Variants in DMD observed in about 807,000 individuals in gnomAD.
The protein encoded by DMD is dystrophin.
DMD carries 63 observed loss-of-function variants against 330.1 expected under a neutral mutation model. The observed-to-expected ratio is 0.19, with a 90% CI of 0.16 to 0.24. DMD has a LOEUF of 0.24. Among genes scored for constraint, DMD ranks in the 10% least tolerant of loss-of-function variants. The pLI is 1.00. For missense variants in DMD, 3,344 were observed against 2,684.1 expected (o/e 1.25, Z -5.43); for synonymous variants, 1,223 against 959.8 (o/e 1.27, Z -5.07).
intron 2 of DMD, among the ~76,000 whole-genome samples, chrX:32,952,747 T>A (rs1294021401): frequency 9.0e-6 from 1 of 111,534 alleles, no homozygotes; most frequent in Non-Finnish European, 1.9e-5. Context: ...ATGCTTTTTA[T>A]TTCTTTACCT....
chrX:31,340,687 T>C (rs1053604542), intron 61 of DMD, among the ~76,000 whole-genome samples: 5 of 112,180 alleles, frequency 4.5e-5, no homozygotes, highest in African/African-American at 1.6e-4. Flanking sequence ...ACAGAAAAGG[T>C]CACATTATTT....
At chrX:32,418,028 C>A (rs775332045) in intron 29 of DMD, among the ~76,000 whole-genome samples, 8 of 110,212 alleles carry the variant, frequency 7.3e-5, no homozygotes, top group African/African-American at 2.6e-4. Flanking sequence ...CAGAGAAAGT[C>A]TTTTAGACCA....
intron 2 of DMD, among the ~76,000 whole-genome samples, chrX:32,905,438 T>C (rs1304192616): frequency 2.7e-5 from 3 of 111,796 alleles, no homozygotes; most frequent in Non-Finnish European, 5.6e-5. Flanking sequence ...AATAAATGTT[T>C]ACTATATATA....
At chrX:32,228,232 G>T (rs1476407170) in intron 43 of DMD, among the ~76,000 whole-genome samples, 1 of 111,044 alleles carries the variant, frequency 9.0e-6, no homozygotes, top group East Asian at 2.8e-4. Context: ...TATTACTATT[G>T]TCTAGAACTC....
chrX:32,069,377 A>G (rs2096280844), intron 44 of DMD, among the ~76,000 whole-genome samples: 1 of 111,714 alleles, frequency 9.0e-6, no homozygotes, highest in Non-Finnish European at 1.9e-5. Context: ...GGTAATAATA[A>G]TTATTTTATA....
intron 2 of DMD, among the ~76,000 whole-genome samples, chrX:33,014,412 T>C (rs938798647): frequency 8.9e-6 from 1 of 111,910 alleles, no homozygotes; most frequent in Non-Finnish European, 1.9e-5. Flanking sequence ...ACCAGGACAC[T>C]TACAGTATTC....
chrX:32,406,421 T>C lies in DMD; in HGVS notation c.4233+5331A>G, dbSNP rs753765812. ...AGATAGCTCTTATTATTTTGAGATT[T>C]GTCCCATCAATACCTAATTTATTGA... On this transcript the variant is annotated intron_variant, in intron 30 of 78. Transcript: ENST00000357033. Among the ~76,000 whole-genome samples, 217 of 109,473 alleles carry C rather than the reference T, an allele frequency of 2.0e-3. 1 individual carries two copies. Among genetic ancestry groups the C allele is most frequent in the African/African-American group, 6.8e-3 (197 of 28,884 alleles).
intron 41 of DMD, among the ~76,000 whole-genome samples, chrX:32,319,553 T>G (rs1488907896): frequency 8.9e-6 from 1 of 111,978 alleles, no homozygotes; most frequent in East Asian, 2.8e-4. Context: ...ATTTTCTTCA[T>G]TTTATAATGC....
intron 75 of DMD, 123 bp from the exon 76 acceptor site, chrX:31,146,537 C>A: frequency 1.4e-6 from 1 of 694,985 alleles, no homozygotes; most frequent in Non-Finnish European, 2.2e-6. Context: ...GAAGCCCTCC[C>A]AAAGATTGTT....
At chrX:31,657,760 T>C (rs1305400539) in intron 54 of DMD, among the ~76,000 whole-genome samples, 2 of 112,005 alleles carry the variant, frequency 1.8e-5, no homozygotes, top group Admixed American at 9.5e-5. Context: ...TTTTGTTTAA[T>C]CTCTTGGTTA....
intron 61 of DMD, among the ~76,000 whole-genome samples, chrX:31,335,205 T>C (rs1428077617): frequency 8.9e-6 from 1 of 112,612 alleles, no homozygotes; most frequent in Non-Finnish European, 1.9e-5. Flanking sequence ...ACATTGGTCA[T>C]TCAACAGACA....
At chrX:32,631,323 C>T (rs755454791) in intron 11 of DMD, among the ~76,000 whole-genome samples, 10 of 111,242 alleles carry the variant, frequency 9.0e-5, no homozygotes, top group Non-Finnish European at 1.5e-4. Flanking sequence ...CCCACACTGA[C>T]CACTGACTGG....
chrX:31,725,511 T>C (rs1291268261), intron 52 of DMD, among the ~76,000 whole-genome samples: 1 of 111,775 alleles, frequency 8.9e-6, no homozygotes, highest in Non-Finnish European at 1.9e-5. Flanking sequence ...TCATTCAGCT[T>C]TTACTATGGC....
intron 7 of DMD, among the ~76,000 whole-genome samples, chrX:32,723,557 A>G (rs768083924): frequency 9.0e-6 from 1 of 111,517 alleles, no homozygotes; most frequent in African/African-American, 3.2e-5. Context: ...ACAAACTTGA[A>G]GTTATATTGG....
intron 63 of DMD, among the ~76,000 whole-genome samples, chrX:31,254,628 G>T (rs1185142267): frequency 8.9e-6 from 1 of 111,937 alleles, no homozygotes; most frequent in African/African-American, 3.2e-5. Flanking sequence ...GCCTCCAAAA[G>T]TGCTAGGATT....
At chrX:33,021,187 A>C (rs2093907643) in intron 1 of DMD, among the ~76,000 whole-genome samples, 1 of 111,229 alleles carries the variant, frequency 9.0e-6, no homozygotes, top group South Asian at 3.8e-4. Flanking sequence ...TACTCAAAGA[A>C]AAAAGTCCCC....
At chrX:32,496,647 T>C (rs1035869229) in intron 19 of DMD, among the ~76,000 whole-genome samples, 1 of 112,761 alleles carries the variant, frequency 8.9e-6, no homozygotes, top group Admixed American at 9.3e-5. Flanking sequence ...TTCACACACA[T>C]GGACACACAC....
intron 6 of DMD, among the ~76,000 whole-genome samples, chrX:32,812,493 C>A (rs1405944850): frequency 1.8e-5 from 2 of 111,128 alleles, no homozygotes; most frequent in Non-Finnish European, 3.8e-5. Context: ...ATTAGCAGGG[C>A]ATGGTGGCTC....
intron 44 of DMD, among the ~76,000 whole-genome samples, chrX:32,019,214 C>T (rs1029582615): frequency 4.6e-5 from 5 of 109,624 alleles, no homozygotes; most frequent in African/African-American, 1.7e-4. Flanking sequence ...AACTTGAACA[C>T]GCATCAAATT....
Sources: gnomAD v4.1 joint callset for allele counts (sites outside exome capture counted in the v4.1 genomes callset) on GRCh38, gnomAD v4.1.1 for gene constraint, MANE v1.5 for transcripts, NCBI Gene and HGNC (gene_info 2026-07-23, HGNC 2026-07-21) for gene names.